OCA2: variants seen among roughly 807,000 people sequenced by gnomAD.
OCA2 encodes P protein.
A neutral mutation model predicts 100.2 loss-of-function variants in OCA2; 77 were observed. The observed-to-expected ratio is 0.77, with a 90% CI of 0.64 to 0.93. The LOEUF is 0.93. Among genes scored for constraint, OCA2 ranks in the 40% least tolerant of loss-of-function variants. OCA2 has a pLI of 0.00. For synonymous variants in OCA2, 432 were observed against 439.2 expected, an observed-to-expected ratio of 0.98 and a Z score of 0.21; for missense variants, 1,062 against 1,089.1, an observed-to-expected ratio of 0.98 and a Z score of 0.35.
At chr15:28,063,779 T>G (rs1039985971) in intron 2 of OCA2, among the ~76,000 whole-genome samples, 4 of 152,204 alleles carry the variant, frequency 2.6e-5, no homozygotes, top group African/African-American at 9.6e-5. Flanking sequence ...TTATAATTAC[T>G]GCTTTATGCA....
At chr15:27,858,762 A>G (rs1482147339) in intron 21 of OCA2, among the ~76,000 whole-genome samples, 1 of 152,160 alleles carries the variant, frequency 6.6e-6, no homozygotes, top group African/African-American at 2.4e-5. Context: ...AAATTTGGAG[A>G]CATAAAATAT....
intron 1 of OCA2, among the ~76,000 whole-genome samples, chr15:28,086,757 G>A (rs895137076): frequency 4.6e-5 from 7 of 152,106 alleles, no homozygotes; most frequent in Admixed American, 2.6e-4. Flanking sequence ...CAGCAAATAA[G>A]ACTCAAATGA....
At chr15:28,003,467 C>T (rs183225926) in intron 9 of OCA2, among the ~76,000 whole-genome samples, 61 of 152,216 alleles carry the variant, frequency 4.0e-4, no homozygotes, top group African/African-American at 1.4e-3. Flanking sequence ...CGCGCGCTGC[C>T]GCGTTCGTCT....
chr15:27,869,052 CAGCCTGAGGCAGCA>C (rs2036439542), intron 21 of OCA2, among the ~76,000 whole-genome samples: 1 of 152,242 alleles, frequency 6.6e-6, no homozygotes, highest in South Asian at 2.1e-4. Context: ...ATGCCGCTTC[CAGCCTGAGGCAGCA>C]AACCCCAGTG....
At chr15:27,825,493 G>A (rs74005239) in intron 23 of OCA2, among the ~76,000 whole-genome samples, 8,408 of 152,186 alleles carry the variant, frequency 0.055, 270 homozygotes, top group African/African-American at 0.082. Context: ...TGGGAGTGGC[G>A]GGGAGAGGGT....
chr15:27,860,991 C>T (rs11074309), intron 21 of OCA2, among the ~76,000 whole-genome samples: 52,522 of 152,108 alleles, frequency 0.35, 9,430 homozygotes, highest in Middle Eastern at 0.52. Flanking sequence ...CTGTGGACCA[C>T]AGGCTCTCAG....
At chr15:27,832,655 C>G (rs1010401798) in intron 23 of OCA2, among the ~76,000 whole-genome samples, 8 of 152,172 alleles carry the variant, frequency 5.3e-5, no homozygotes, top group African/African-American at 1.9e-4. Flanking sequence ...GTGTTTGCTG[C>G]TCCTCCCTGG....
intron 23 of OCA2, among the ~76,000 whole-genome samples, chr15:27,823,447 T>C (rs1376792766): frequency 6.6e-6 from 1 of 152,208 alleles, no homozygotes; most frequent in Non-Finnish European, 1.5e-5. Context: ...ATTTAATTTT[T>C]CCCAAATAAT....
At chr15:27,939,696 G>T (rs1378119236) in intron 18 of OCA2, among the ~76,000 whole-genome samples, 1 of 152,220 alleles carries the variant, frequency 6.6e-6, no homozygotes, top group Admixed American at 6.5e-5. Context: ...AGTGCTGCAG[G>T]TGCATTAGAC....
chr15:28,072,828 G>A (rs758283356), intron 2 of OCA2, among the ~76,000 whole-genome samples: 2 of 152,086 alleles, frequency 1.3e-5, no homozygotes, highest in African/African-American at 2.4e-5. Flanking sequence ...CAGAGAAAAG[G>A]GAATCCTTAT....
intron 19 of OCA2, among the ~76,000 whole-genome samples, chr15:27,908,861 A>C (rs1341158691): frequency 6.6e-6 from 1 of 152,230 alleles, no homozygotes; most frequent in Non-Finnish European, 1.5e-5. Flanking sequence ...AGCATAAATC[A>C]AATTGTTTGC....
At chr15:27,985,850 G>A (rs1230432192) in intron 12 of OCA2, among the ~76,000 whole-genome samples, 7 of 151,908 alleles carry the variant, frequency 4.6e-5, no homozygotes, top group African/African-American at 9.7e-5. Context: ...GTGCTACCAC[G>A]CCCAGCTAAT....
intron 19 of OCA2, among the ~76,000 whole-genome samples, chr15:27,911,228 C>T (rs183450876): frequency 5.9e-5 from 9 of 151,938 alleles, no homozygotes; most frequent in South Asian, 2.1e-4. Flanking sequence ...GAACAGCCTG[C>T]GGGCAACATG....
intron 23 of OCA2, among the ~76,000 whole-genome samples, chr15:27,837,659 C>T (rs974783873): frequency 3.9e-5 from 6 of 152,032 alleles, no homozygotes; most frequent in Non-Finnish European, 1.5e-5. Context: ...GGAAAACGAT[C>T]CTGGTGGATT....
intron 23 of OCA2, among the ~76,000 whole-genome samples, chr15:27,840,429 C>T (rs532372372): frequency 2.0e-5 from 3 of 152,306 alleles, no homozygotes; most frequent in East Asian, 1.9e-4. Context: ...GCAGACCTCT[C>T]GATACCAGTA....
intron 18 of OCA2, 71 bp from the exon 19 acceptor site, chr15:27,926,325 G>A: frequency 6.4e-7 from 1 of 1,563,124 alleles, no homozygotes; most frequent in Non-Finnish European, 8.8e-7. Context: ...TTTAACCTCT[G>A]GTTGCCTTTT....
At chr15:27,731,401 C>T in the OCA2 span, among the ~76,000 whole-genome samples, 1 of 152,152 alleles carries the variant, frequency 6.6e-6, no homozygotes, top group Non-Finnish European at 1.5e-5. Context: ...TTTCAAATTA[C>T]ATATCTCTTT....
chr15:27,753,450 T>A (rs1255500669), downstream of OCA2, among the ~76,000 whole-genome samples: 5 of 151,828 alleles, frequency 3.3e-5, no homozygotes, highest in East Asian at 9.7e-4. Flanking sequence ...TGAGAAGGGA[T>A]GGGCCGGGCA....
At chr15:27,903,566 G>C (rs1393261788) in intron 19 of OCA2, among the ~76,000 whole-genome samples, 1 of 152,176 alleles carries the variant, frequency 6.6e-6, no homozygotes, top group Non-Finnish European at 1.5e-5. Flanking sequence ...GAAAACCCTG[G>C]AAAGTCCCGG....
Sources: gnomAD v4.1 joint callset for allele counts (sites outside exome capture counted in the v4.1 genomes callset) on GRCh38, gnomAD v4.1.1 for gene constraint, MANE v1.5 for transcripts, NCBI Gene and HGNC (gene_info 2026-07-23, HGNC 2026-07-21) for gene names.